The following RBFOX1 variants were observed in gnomAD, a reference collection of about 807,000 sequenced individuals.
RBFOX1 encodes the protein RNA binding protein fox-1 homolog 1.
RBFOX1 carries 8 observed loss-of-function variants against 57.7 expected under a neutral mutation model. That is an observed-to-expected ratio of 0.14 (90% CI 0.08 to 0.25). The LOEUF is 0.25. Among genes scored for constraint, RBFOX1 ranks in the 10% least tolerant of loss-of-function variants. The pLI, the probability that RBFOX1 is intolerant of heterozygous loss-of-function variation, is 1.00. For missense variants in RBFOX1, 611 were observed against 548.5 expected (o/e 1.11, Z -1.14); for synonymous variants, 326 against 222.4 (o/e 1.47, Z -4.15).
At chr16:5,318,039 A>G (rs768627723) in intron 1 of RBFOX1, among the ~76,000 whole-genome samples, 1 of 152,198 alleles carries the variant, frequency 6.6e-6, no homozygotes, top group African/African-American at 2.4e-5. Context: ...GTGGGCCTTC[A>G]GCATGGAAGT....
At chr16:6,285,515 T>G (rs2076811611) in intron 1 of RBFOX1, among the ~76,000 whole-genome samples, 1 of 152,180 alleles carries the variant, frequency 6.6e-6, no homozygotes, top group Non-Finnish European at 1.5e-5. Flanking sequence ...TCTTGGGTGT[T>G]GCCGAGTGCT....
chr16:7,167,554 C>T (rs1282178277), intron 4 of RBFOX1, among the ~76,000 whole-genome samples: 3 of 152,076 alleles, frequency 2.0e-5, no homozygotes, highest in Non-Finnish European at 4.4e-5. Flanking sequence ...AGTGCGACCC[C>T]GCCAGTACCT....
chr16:5,864,136 T>C (rs1436385), intron 3 of RBFOX1, among the ~76,000 whole-genome samples: 60,531 of 151,858 alleles, frequency 0.4, 12,096 homozygotes, highest in African/African-American at 0.41. Flanking sequence ...CTCCAACTTC[T>C]AGGTGAGGAT....
At chr16:5,452,791 G>A (rs907876547) in intron 1 of RBFOX1, among the ~76,000 whole-genome samples, 3 of 152,012 alleles carry the variant, frequency 2.0e-5, no homozygotes, top group African/African-American at 4.8e-5. Flanking sequence ...TTACAGGCGT[G>A]CACCACCACA....
intron 3 of RBFOX1, among the ~76,000 whole-genome samples, chr16:6,663,697 C>T (rs1055992540): frequency 6.6e-6 from 1 of 152,198 alleles, no homozygotes; most frequent in Non-Finnish European, 1.5e-5. Flanking sequence ...TGTTTAAGGC[C>T]GTTAGGCATA....
chr16:7,304,145 G>A, intron 4 of RBFOX1: 1 of 932,994 alleles, frequency 1.1e-6, no homozygotes, highest in Non-Finnish European at 1.3e-6. Flanking sequence ...GAGAGCCAGG[G>A]AGGAGGGACC....
chr16:5,858,343 A>T (rs1275548753), intron 3 of RBFOX1, among the ~76,000 whole-genome samples: 2 of 152,170 alleles, frequency 1.3e-5, no homozygotes, highest in African/African-American at 4.8e-5. Flanking sequence ...CGTGTTTTCT[A>T]CCATGTGTCA....
chr16:5,339,662 A>G (rs2064991503), intron 1 of RBFOX1, among the ~76,000 whole-genome samples: 1 of 151,360 alleles, frequency 6.6e-6, no homozygotes, highest in African/African-American at 2.4e-5. Flanking sequence ...TATTTTTAGT[A>G]GAGATGGAGT....
At chr16:7,690,835 T>TA (rs1029798675) in intron 14 of RBFOX1, among the ~76,000 whole-genome samples, 17 of 152,222 alleles carry the variant, frequency 1.1e-4, no homozygotes, top group African/African-American at 4.1e-4. Flanking sequence ...CAGCTGTACA[T>TA]AAAATGGCAT....
At chr16:6,671,659 T>C (rs1194760348) in intron 3 of RBFOX1, among the ~76,000 whole-genome samples, 4 of 152,204 alleles carry the variant, frequency 2.6e-5, no homozygotes, top group Admixed American at 6.5e-5. Flanking sequence ...TCTATCATTC[T>C]TACGCCTTTG....
chr16:6,413,662 G>T (rs917641), intron 2 of RBFOX1, among the ~76,000 whole-genome samples: 1 of 152,002 alleles, frequency 6.6e-6, no homozygotes, highest in Non-Finnish European at 1.5e-5. Context: ...TGCATTGAAT[G>T]AGAGCCATTT....
intron 3 of RBFOX1, among the ~76,000 whole-genome samples, chr16:5,859,456 A>T (rs1358646978): frequency 6.6e-6 from 1 of 152,226 alleles, no homozygotes; most frequent in African/African-American, 2.4e-5. Context: ...AGCCTCAGAC[A>T]GGTAAGGTAA....
At chr16:7,423,412 A>T (rs1345463020) in intron 4 of RBFOX1, among the ~76,000 whole-genome samples, 2 of 152,100 alleles carry the variant, frequency 1.3e-5, no homozygotes, top group Non-Finnish European at 2.9e-5. Context: ...AAGCTGTCAT[A>T]CTAAAAGATA....
At chr16:5,582,221 A>G (rs1362717631) in intron 2 of RBFOX1, among the ~76,000 whole-genome samples, 1 of 152,164 alleles carries the variant, frequency 6.6e-6, no homozygotes, top group African/African-American at 2.4e-5. Flanking sequence ...AGGCTGGGGT[A>G]GCGACAGGCT....
chr16:5,978,424 T>C (rs561431539), intron 4 of RBFOX1, among the ~76,000 whole-genome samples: 1 of 152,320 alleles, frequency 6.6e-6, no homozygotes, highest in Non-Finnish European at 1.5e-5. Context: ...CTGTATACCC[T>C]ACATATGGTT....
chr16:6,219,358 C>G (rs1796079640), intron 1 of RBFOX1, among the ~76,000 whole-genome samples: 1 of 152,162 alleles, frequency 6.6e-6, no homozygotes, highest in Non-Finnish European at 1.5e-5. Flanking sequence ...CAGGGCCCAG[C>G]TACTCTGGAG....
At chr16:5,293,801 G>C (rs1268097904) in intron 1 of RBFOX1, among the ~76,000 whole-genome samples, 1 of 151,928 alleles carries the variant, frequency 6.6e-6, no homozygotes, top group Non-Finnish European at 1.5e-5. Flanking sequence ...TATTTTTTGG[G>C]GGGGCGGGGG....
chr16:6,787,602 G>C (rs952372084), intron 3 of RBFOX1, among the ~76,000 whole-genome samples: 1 of 152,070 alleles, frequency 6.6e-6, no homozygotes, highest in Non-Finnish European at 1.5e-5. Flanking sequence ...CACAGTCTCT[G>C]TTCTCCATCC....
At chr16:6,697,678 C>A (rs2061255542) in intron 3 of RBFOX1, among the ~76,000 whole-genome samples, 1 of 152,104 alleles carries the variant, frequency 6.6e-6, no homozygotes, top group Non-Finnish European at 1.5e-5. Context: ...GGGAAGAAAA[C>A]CCCATGGCGA....
Sources: gnomAD v4.1 joint callset for allele counts (sites outside exome capture counted in the v4.1 genomes callset) on GRCh38, gnomAD v4.1.1 for gene constraint, MANE v1.5 for transcripts, NCBI Gene and HGNC (gene_info 2026-07-23, HGNC 2026-07-21) for gene names.